The following CRADD variants were observed in gnomAD, a reference collection of about 807,000 sequenced individuals.
CRADD encodes the protein death domain-containing protein CRADD.
In CRADD, 9 loss-of-function variants were observed where a neutral mutation model predicts 15.5. The observed-to-expected ratio is 0.58, with a 90% CI of 0.35 to 1.01. CRADD has a LOEUF of 1.01. CRADD is among the 50% of genes least tolerant of loss of function. The pLI, the probability that CRADD is intolerant of heterozygous loss-of-function variation, is 0.02. For missense variants in CRADD, 227 were observed against 250.3 expected (o/e 0.91, Z 0.63); for synonymous variants, 118 against 107.6 (o/e 1.10, Z -0.60).
intron 2 of CRADD, among the ~76,000 whole-genome samples, chr12:93,835,529 C>T (rs1173630614): frequency 6.6e-6 from 1 of 152,164 alleles, no homozygotes; most frequent in Non-Finnish European, 1.5e-5. Flanking sequence ...TCTTTAAACA[C>T]TTTGGCCTGG....
intron 2 of CRADD, among the ~76,000 whole-genome samples, chr12:93,730,127 AAATAC>A (rs1208854826): frequency 6.6e-6 from 1 of 152,236 alleles, no homozygotes; most frequent in Non-Finnish European, 1.5e-5. Flanking sequence ...TTGCTTAAGA[AAATAC>A]TATGAGACAG....
At chr12:93,886,162 C>CA (rs1555231623) in intron 2 of CRADD, among the ~76,000 whole-genome samples, 10 of 123,948 alleles carry the variant, frequency 8.1e-5, no homozygotes, top group Non-Finnish European at 1.0e-4. Context: ...GCTGCTGATG[C>CA]TTTTTTTTTT....
chr12:93,742,452 T>G (rs1315841238), intron 2 of CRADD, among the ~76,000 whole-genome samples: 3 of 150,794 alleles, frequency 2.0e-5, no homozygotes, highest in African/African-American at 7.3e-5. Flanking sequence ...CGGCTGCCTC[T>G]GCGGGCCCCG....
intron 2 of CRADD, among the ~76,000 whole-genome samples, chr12:93,780,124 TA>T (rs1957187794): frequency 6.6e-6 from 1 of 152,206 alleles, no homozygotes; most frequent in Admixed American, 6.5e-5. Flanking sequence ...AAGTAAAGGC[TA>T]AGCTCGTTGC....
chr12:93,761,714 C>T (rs954442229), intron 2 of CRADD, among the ~76,000 whole-genome samples: 3 of 152,098 alleles, frequency 2.0e-5, no homozygotes, highest in African/African-American at 7.2e-5. Flanking sequence ...GGACTCTCTG[C>T]CTTATTTTCA....
chr12:93,724,954 G>A (rs531773258), intron 2 of CRADD, among the ~76,000 whole-genome samples: 81 of 151,984 alleles, frequency 5.3e-4, no homozygotes, highest in African/African-American at 1.9e-3. Flanking sequence ...TCCGCCTCCC[G>A]GGTTCACGCC....
At chr12:93,788,586 A>G (rs995269257) in intron 2 of CRADD, among the ~76,000 whole-genome samples, 1 of 152,162 alleles carries the variant, frequency 6.6e-6, no homozygotes, top group Admixed American at 6.5e-5. Flanking sequence ...TCTCTTGACT[A>G]TTCTTGATTC....
chr12:93,838,650 A>G (rs149191418), intron 2 of CRADD, among the ~76,000 whole-genome samples: 4 of 149,432 alleles, frequency 2.7e-5, no homozygotes, highest in East Asian at 2.0e-4. Flanking sequence ...TTCCATTCAT[A>G]TACTCACTCT....
At chr12:93,800,712 C>T (rs561795557) in intron 2 of CRADD, among the ~76,000 whole-genome samples, 32 of 152,162 alleles carry the variant, frequency 2.1e-4, no homozygotes, top group African/African-American at 7.5e-4. Context: ...CATAACTTAC[C>T]CAGTCTCAGG....
At chr12:93,883,146 C>T (rs1000646296) in intron 2 of CRADD, among the ~76,000 whole-genome samples, 6 of 152,166 alleles carry the variant, frequency 3.9e-5, no homozygotes, top group East Asian at 3.9e-4. Context: ...ACTGTGAAGA[C>T]GAGATCACTC....
intron 2 of CRADD, among the ~76,000 whole-genome samples, chr12:93,744,738 C>T (rs1169702131): frequency 2.0e-5 from 3 of 152,110 alleles, no homozygotes; most frequent in Non-Finnish European, 2.9e-5. Context: ...ATCCAAGTAA[C>T]ATCAAATATT....
At chr12:93,815,326 A>C (rs940205902) in intron 2 of CRADD, 1 of 152,238 alleles carries the variant, frequency 6.6e-6, no homozygotes, top group Admixed American at 6.5e-5. Context: ...TATAGCAAAC[A>C]CTAATGATGT....
At chr12:93,894,120 T>A in exon 3 of CRADD, 1 of 702,522 alleles carries the variant, frequency 1.4e-6, no homozygotes, top group Non-Finnish European at 2.6e-6. Flanking sequence ...GATTCTGAAC[T>A]GGCATCTTCC....
intron 2 of CRADD, among the ~76,000 whole-genome samples, chr12:93,742,574 C>G (rs1392597772): frequency 6.6e-6 from 1 of 152,102 alleles, no homozygotes; most frequent in Non-Finnish European, 1.5e-5. Flanking sequence ...ACGGAGCGAT[C>G]AGCTTGTCCT....
In CRADD at chr12:93,782,058, G is replaced by T. The variant is rs538664369; in HGVS notation, c.299-67912G>T. On this transcript the variant is annotated intron_variant, in intron 2 of 2. Transcript: ENST00000332896. ...CACATGCACACGTATGTTTATAGCGGCACTATTCACAATAGCAAAGACTTG... is the reference window on the plus strand; with the variant it reads ...CACATGCACACGTATGTTTATAGCGTCACTATTCACAATAGCAAAGACTTG... Among the ~76,000 whole-genome samples the T allele has an allele frequency of 2.0e-3, 307 of 152,084 alleles. 1 individual carries two copies. The highest frequency in any genetic ancestry group is 3.0e-3 in the Non-Finnish European group (203 of 67,992).
intron 1 of CRADD, among the ~76,000 whole-genome samples, chr12:93,678,487 T>C (rs1955207602): frequency 1.3e-5 from 2 of 152,286 alleles, no homozygotes; most frequent in Admixed American, 1.3e-4. Flanking sequence ...TTTTTTTTTT[T>C]CTTTTTCCAA....
chr12:93,859,251 GT>G, intron 2 of CRADD: 1 of 442,622 alleles, frequency 2.3e-6, no homozygotes. Context: ...GTTTTAAATT[GT>G]TTTTTAAAAA....
chr12:93,754,141 G>T (rs1056732353), intron 2 of CRADD, among the ~76,000 whole-genome samples: 8 of 152,214 alleles, frequency 5.3e-5, no homozygotes, highest in Non-Finnish European at 1.2e-4. Flanking sequence ...AACTGCCAAG[G>T]CTTGGGGCTT....
intron 2 of CRADD, among the ~76,000 whole-genome samples, chr12:93,882,159 T>C (rs1958506676): frequency 6.7e-6 from 1 of 149,496 alleles, no homozygotes; most frequent in African/African-American, 2.5e-5. Flanking sequence ...CGGTGGCTCA[T>C]GCCTGTAATC....
Sources: allele counts gnomAD v4.1 joint callset (sites outside exome capture counted in the v4.1 genomes callset), GRCh38; gene constraint gnomAD v4.1.1; transcripts MANE v1.5; gene names NCBI Gene and HGNC (gene_info 2026-07-23, HGNC 2026-07-21).